SEPHS1: variants seen among roughly 807,000 people sequenced by gnomAD.
SEPHS1 encodes zincore component SEPHS1.
Under a neutral mutation model 39.2 loss-of-function variants are expected in SEPHS1, and 7 were observed. The observed-to-expected ratio is 0.18, with a 90% confidence interval of 0.10 to 0.34. The LOEUF is 0.34. Ranked by LOEUF, SEPHS1 falls within the 10% of genes least tolerant of loss-of-function variation. The probability of loss-of-function intolerance (pLI) is 1.00; values close to 1 mark genes in which losing one functional copy is unlikely to be tolerated. For missense variants in SEPHS1, 253 were observed against 514.5 expected (o/e 0.49, Z 4.92); for synonymous variants, 190 against 195.5 (o/e 0.97, Z 0.23).
intron 8 of SEPHS1, among the ~76,000 whole-genome samples, chr10:13,322,468 AAAC>A (rs767046319): frequency 3.6e-4 from 55 of 152,248 alleles, no homozygotes; most frequent in Admixed American, 1.4e-3. Context: ...ATCATTCTTA[AAAC>A]AACGTTAGAC....
chr10:13,345,515 T>G (rs1240821070), intron 1 of SEPHS1: 1 of 152,270 alleles, frequency 6.6e-6, no homozygotes, highest in African/African-American at 2.4e-5. Flanking sequence ...TTAATGTAAA[T>G]GCATTGGACA....
At chr10:13,346,536 G>T (rs1357865689) in intron 1 of SEPHS1, among the ~76,000 whole-genome samples, 1 of 152,158 alleles carries the variant, frequency 6.6e-6, no homozygotes, top group African/African-American at 2.4e-5. Context: ...ATTCCAAGAA[G>T]TCTCCCTGCC....
intron 2 of SEPHS1, among the ~76,000 whole-genome samples, chr10:13,343,507 C>A (rs370015712): frequency 1.3e-5 from 2 of 152,020 alleles, no homozygotes; most frequent in East Asian, 3.8e-4. Flanking sequence ...AAATAATGGG[C>A]AAAAACAAAT....
At position 13,338,703 on chromosome 10, in the gene SEPHS1, A is replaced by C; in HGVS notation, c.297+2T>G. On this transcript the variant is annotated splice_donor_variant, in intron 3 of 8. Coordinates refer to ENST00000327347, the MANE Select transcript of SEPHS1 (RefSeq NM_012247.5). LOFTEE classifies it high-confidence loss of function. ...CACAAAAACACATCGGCTCACGCTTACCATCATGTAAGGGTCGTCTACGAT... is the reference window on the plus strand; with the variant it reads ...CACAAAAACACATCGGCTCACGCTTCCCATCATGTAAGGGTCGTCTACGAT... 6.2e-7 allele frequency: 1 copy of C among 1,611,744 alleles called. No homozygotes were observed. Among genetic ancestry groups the C allele is most frequent in the Non-Finnish European group, 8.5e-7 (1 of 1,177,810 alleles).
At position 13,322,138 on chromosome 10, in the gene SEPHS1, CTTTTCT is replaced by C. The variant is rs918459783; in HGVS notation, c.964+691_964+696del. On this transcript the variant is annotated intron_variant, in intron 8 of 8. Coordinates refer to ENST00000327347, the MANE Select transcript of SEPHS1 (RefSeq NM_012247.5). Reference sequence around the variant, plus strand: ...ATTCTTTTTTATTCTGTATCATTCTCTTTTCTTTTTTTTTTTTTTTTAAGGCAGAAT... The same window carrying C: ...ATTCTTTTTTATTCTGTATCATTCTCTTTTTTTTTTTTTTTAAGGCAGAAT... The C allele has an allele frequency of 1.0e-4, 36 of 356,102 alleles. No homozygotes were observed. The Middle Eastern group carries it at 6.8e-3, about 68-fold the overall frequency. The allele number at this position is 356,102 out of a possible 1,614,324, so 22.1% of individuals were successfully genotyped here.
At chr10:13,328,592 G>A (rs1833374856) in intron 6 of SEPHS1, 142 bp from the exon 7 acceptor site, 1 of 635,026 alleles carries the variant, frequency 1.6e-6, no homozygotes, top group African/African-American at 1.8e-5. Context: ...TCCAACTCTG[G>A]TTTTTCTGTG....
At chr10:13,330,465 G>A (rs962054031) in intron 5 of SEPHS1, among the ~76,000 whole-genome samples, 1 of 152,130 alleles carries the variant, frequency 6.6e-6, no homozygotes, top group Non-Finnish European at 1.5e-5. Flanking sequence ...ATACTAAAAA[G>A]GCACCTCTAA....
Position 13,322,961 on chromosome 10 carries a change from T to C in SEPHS1, c.838A>G (p.Lys280Glu). The C allele has an allele frequency of 6.2e-7, 1 of 1,614,100 alleles. No individual in the cohort carries two copies. The highest frequency in any genetic ancestry group is 8.5e-7 in the Non-Finnish European group (1 of 1,179,986). Residue 280 changes from lysine to glutamate, a missense_variant, in exon 8 of 9, where the codon AAG becomes GAG. This residue lies in a region of SEPHS1 where 107 missense variants were observed against 257.1 expected (regional missense o/e 0.42). Transcript: ENST00000327347. The part of the protein sequence containing the change: ...GILGHAQNLA[K>E]QQRNEVSFVI... ...AACGACACCTCGTTCCTCTGCTGCT[T>C]GGCCAGGTTCTGCGCATGGCCCAAA... is the stretch of plus-strand genomic sequence containing the variant.
chr10:13,348,097 A>G lies in SEPHS1; in HGVS notation c.-176T>C, dbSNP rs990867177. 1.4e-5 allele frequency: 2 copies of G among 144,260 alleles called. No individual in the cohort carries two copies. Among genetic ancestry groups the G allele is most frequent in the African/African-American group, 5.0e-5 (2 of 39,970 alleles). The allele number at this position is 144,260 out of a possible 1,614,324, so 8.9% of individuals were successfully genotyped here. ...CCGGGCTCCCTTAAGCGTCGCCTGA[A>G]TAAAAATGCCGCGCCCGGCGGCGGC... On this transcript the variant is annotated 5_prime_UTR_variant, in exon 1 of 9. Coordinates refer to ENST00000327347, the MANE Select transcript of SEPHS1 (RefSeq NM_012247.5).
chr10:13,345,091 T>G, intron 1 of SEPHS1, 63 bp from the exon 2 acceptor site: 1 of 693,918 alleles, frequency 1.4e-6, no homozygotes, highest in South Asian at 3.4e-5. Context: ...TGCCAGCGAA[T>G]CAAGTGAATA....
chr10:13,327,991 G>T (rs1236584050), intron 7 of SEPHS1, among the ~76,000 whole-genome samples: 3 of 152,048 alleles, frequency 2.0e-5, no homozygotes, highest in African/African-American at 7.2e-5. Flanking sequence ...TGGGAGTGGG[G>T]GCACTTCTAG....
At chr10:13,320,920 A>G (rs1289386978) in intron 8 of SEPHS1, among the ~76,000 whole-genome samples, 1 of 152,174 alleles carries the variant, frequency 6.6e-6, no homozygotes, top group African/African-American at 2.4e-5. Flanking sequence ...TCAGTGCCCA[A>G]TTATGTGGCA....
At chr10:13,319,409 C>G in intron 8 of SEPHS1, 53 bp from the exon 9 acceptor site, 1 of 1,567,780 alleles carries the variant, frequency 6.4e-7, no homozygotes, top group Non-Finnish European at 8.7e-7. Context: ...AGCAGCTTCT[C>G]TGCCTCTGCT....
intron 3 of SEPHS1, 120 bp from the exon 4 acceptor site, chr10:13,336,470 A>G (rs776938591): frequency 2.7e-6 from 2 of 735,390 alleles, no homozygotes; most frequent in Non-Finnish European, 4.9e-6. Context: ...AGCAGCTACT[A>G]GGATGGGGTC....
chr10:13,347,970 C>G (rs1235683541), intron 1 of SEPHS1, 30 bp downstream of exon 1: 1 of 148,296 alleles, frequency 6.7e-6, no homozygotes, highest in Non-Finnish European at 1.5e-5. Context: ...TAAGCCTGCG[C>G]CTCCCCCCCG....
At chr10:13,342,303 G>A (rs939329741) in intron 2 of SEPHS1, among the ~76,000 whole-genome samples, 9 of 150,442 alleles carry the variant, frequency 6.0e-5, no homozygotes, top group Admixed American at 1.3e-4. Context: ...ACATACAGCC[G>A]GGTGCGGTGG....
chr10:13,324,881 A>C (rs1833221463), intron 7 of SEPHS1, among the ~76,000 whole-genome samples: 1 of 152,188 alleles, frequency 6.6e-6, no homozygotes, highest in Admixed American at 6.5e-5. Context: ...TGGCATCTCA[A>C]TCACTGCTTT....
intron 5 of SEPHS1, among the ~76,000 whole-genome samples, chr10:13,332,989 C>A (rs934248566): frequency 6.6e-6 from 1 of 152,024 alleles, no homozygotes; most frequent in Non-Finnish European, 1.5e-5. Flanking sequence ...CAGTGAGAGC[C>A]GAGGAGGATG....
chr10:13,325,344 T>C (rs1439833455), intron 7 of SEPHS1, among the ~76,000 whole-genome samples: 1 of 152,182 alleles, frequency 6.6e-6, no homozygotes, highest in East Asian at 1.9e-4. Flanking sequence ...CTAAATCTCA[T>C]CTCGAATTGT....
Sources: gnomAD v4.1 joint callset for allele counts (sites outside exome capture counted in the v4.1 genomes callset) on GRCh38, gnomAD v4.1.1 for gene constraint, gnomAD v4.1.1 regional missense constraint, MANE v1.5 for transcripts, NCBI Gene and HGNC (gene_info 2026-07-23, HGNC 2026-07-21) for gene names.